The following PIGN variants were observed in gnomAD, a reference collection of about 807,000 sequenced individuals.
The protein encoded by PIGN is GPI ethanolamine phosphate transferase 1.
PIGN carries 117 observed loss-of-function variants against 125.4 expected under a neutral mutation model. The observed-to-expected ratio is 0.93, with a 90% CI of 0.80 to 1.09. PIGN has a LOEUF of 1.09. Ranked by LOEUF, PIGN falls within the 50% of genes least tolerant of loss-of-function variation. PIGN has a pLI of 0.00. For synonymous variants in PIGN, 392 were observed against 377.8 expected (o/e 1.04, Z -0.44); for missense variants, 1,075 against 1,094.9 (o/e 0.98, Z 0.26).
chr18:62,101,177 T>C lies in PIGN; in HGVS notation c.1975A>G (p.Ser659Gly). ...ELLVHLLQVL[S>G]TVLSMYVVYS... ...ACAACATACATGGAGAGCACTGTGC[T>C]CAGCACCTAAAGACAAAGATGAAAT... is the stretch of plus-strand genomic sequence containing the variant. Residue 659 changes from serine to glycine, a missense_variant, in exon 22 of 31, where the codon AGC becomes GGC. Around this residue, in one of 3 missense-constraint regions of PIGN, gnomAD observed 915 missense variants for 908.7 expected, o/e 1.01. Transcript: ENST00000640252. 2 of 1,582,876 alleles carry C rather than the reference T, an allele frequency of 1.3e-6. No individual in the cohort carries two copies. The highest frequency in any genetic ancestry group is 1.7e-6 in the Non-Finnish European group (2 of 1,154,310).
chr18:62,164,326 T>C (rs2037056620), intron 1 of PIGN, among the ~76,000 whole-genome samples: 1 of 152,238 alleles, frequency 6.6e-6, no homozygotes, highest in Admixed American at 6.5e-5. Context: ...AATGTATTAG[T>C]CCATTTTCAC....
chr18:62,124,901 A>G (rs79602539), intron 14 of PIGN, among the ~76,000 whole-genome samples: 10,166 of 152,182 alleles, frequency 0.067, 637 homozygotes, highest in African/African-American at 0.16. Flanking sequence ...TCTCTTTTAA[A>G]AATATTTTTC....
At chr18:62,099,575 C>T (rs2146292140) in intron 22 of PIGN, among the ~76,000 whole-genome samples, 1 of 152,118 alleles carries the variant, frequency 6.6e-6, no homozygotes, top group South Asian at 2.1e-4. Flanking sequence ...AACTACAAAG[C>T]TATAGTAACC....
intron 14 of PIGN, among the ~76,000 whole-genome samples, chr18:62,130,674 C>A (rs1409393151): frequency 6.6e-6 from 1 of 152,056 alleles, no homozygotes; most frequent in African/African-American, 2.4e-5. Flanking sequence ...AGAATTTTAT[C>A]AATTATTCAG....
intron 23 of PIGN, among the ~76,000 whole-genome samples, chr18:62,028,770 C>G (rs1343092220): frequency 6.6e-6 from 1 of 152,178 alleles, no homozygotes; most frequent in Non-Finnish European, 1.5e-5. Flanking sequence ...GAATATGGAG[C>G]TAACAAGGAT....
intron 30 of PIGN, 109 bp downstream of exon 30, chr18:62,072,564 T>C: frequency 2.4e-6 from 2 of 829,434 alleles, no homozygotes; most frequent in Admixed American, 2.4e-5. Flanking sequence ...ACCATCTAGG[T>C]TTGTGTGAAT....
intron 28 of PIGN, among the ~76,000 whole-genome samples, chr18:62,076,483 GCAAAAACTT>G (rs1436199601): frequency 3.3e-5 from 5 of 152,092 alleles, no homozygotes; most frequent in Non-Finnish European, 5.9e-5. Context: ...CTTTCACAGA[GCAAAAACTT>G]TTAATTCTGA....
intron 6 of PIGN, among the ~76,000 whole-genome samples, chr18:62,156,244 A>G (rs1364834584): frequency 6.6e-6 from 1 of 152,246 alleles, no homozygotes; most frequent in African/African-American, 2.4e-5. Flanking sequence ...TAAATAAATT[A>G]TATGTTAAAT....
chr18:62,064,021 T>C (rs1191937905), intron 30 of PIGN, among the ~76,000 whole-genome samples: 1 of 152,052 alleles, frequency 6.6e-6, no homozygotes, highest in African/African-American at 2.4e-5. Flanking sequence ...GGCACATGTA[T>C]ACATATGTAA....
intron 4 of PIGN, among the ~76,000 whole-genome samples, chr18:62,158,722 A>G (rs1055017591): frequency 2.6e-5 from 4 of 152,242 alleles, no homozygotes; most frequent in African/African-American, 9.6e-5. Context: ...CAGTTCTTTT[A>G]CTATTGACTT....
intron 1 of PIGN, among the ~76,000 whole-genome samples, chr18:62,168,983 G>A (rs1031684228): frequency 6.6e-6 from 1 of 151,554 alleles, no homozygotes; most frequent in Non-Finnish European, 1.5e-5. Context: ...AGCCACCTGA[G>A]TAGCTGGGAC....
chr18:62,045,745 C>A lies in PIGN; in HGVS notation c.*111G>T. 1 of 983,642 alleles carries A rather than the reference C, an allele frequency of 1.0e-6. No individual in the cohort carries two copies. Among genetic ancestry groups the A allele is most frequent in the Non-Finnish European group, 1.5e-6 (1 of 686,292 alleles). The allele number at this position is 983,642 out of a possible 1,614,324, so 60.9% of individuals were successfully genotyped here. ...GGAATTCCAAATACCATTTTCCTTA[C>A]AGGAGTAGAATATACTATATATCCA... On this transcript the variant is annotated 3_prime_UTR_variant, in exon 31 of 31. Coordinates refer to ENST00000640252, the MANE Select transcript of PIGN (RefSeq NM_176787.5).
intron 14 of PIGN, among the ~76,000 whole-genome samples, chr18:62,131,623 T>A (rs1003880335): frequency 3.3e-5 from 5 of 152,138 alleles, no homozygotes; most frequent in African/African-American, 1.2e-4. Context: ...TTTATTCTTT[T>A]TAGAGGTCTT....
At chr18:62,059,285 T>C (rs1392435584) in intron 30 of PIGN, 1 of 149,606 alleles carries the variant, frequency 6.7e-6, no homozygotes, top group Non-Finnish European at 1.5e-5. Flanking sequence ...CTCTTCAGCA[T>C]AGAGCCTGGA....
chr18:62,045,841 G>A lies in PIGN; in HGVS notation c.*15C>T. On this transcript the variant is annotated 3_prime_UTR_variant, in exon 31 of 31. Transcript: ENST00000640252. ...GAGAATCAGGATCCAGATGCTGAATGGTGCTTCAGCAACCTCACATGAAGT... is the reference window on the plus strand; with the variant it reads ...GAGAATCAGGATCCAGATGCTGAATAGTGCTTCAGCAACCTCACATGAAGT... 1 of 1,612,594 alleles carries A rather than the reference G, an allele frequency of 6.2e-7. No homozygotes were observed. Among genetic ancestry groups the A allele is most frequent in the Non-Finnish European group, 8.5e-7 (1 of 1,178,992 alleles).
chr18:62,143,949 G>A (rs550568768), intron 10 of PIGN, among the ~76,000 whole-genome samples: 22 of 152,192 alleles, frequency 1.4e-4, no homozygotes, highest in Middle Eastern at 3.4e-3. Flanking sequence ...ATGAGAGACC[G>A]TCTTGATTTA....
At chr18:62,140,107 T>C (rs1457268504) in intron 12 of PIGN, among the ~76,000 whole-genome samples, 10 of 152,178 alleles carry the variant, frequency 6.6e-5, no homozygotes, top group South Asian at 6.2e-4. Context: ...TTCCATGTTA[T>C]AGAATATAAT....
intron 30 of PIGN, among the ~76,000 whole-genome samples, chr18:62,046,584 C>A (rs2030726816): frequency 6.6e-6 from 1 of 151,170 alleles, no homozygotes; most frequent in South Asian, 2.1e-4. Flanking sequence ...TACACAGCGG[C>A]GTGTGGAAAA....
In PIGN at chr18:62,157,810, TA is replaced by T; in HGVS notation, c.222-3del. The T allele has an allele frequency of 6.2e-7, 1 of 1,605,926 alleles. No homozygotes were observed. Among genetic ancestry groups the T allele is most frequent in the Non-Finnish European group, 8.5e-7 (1 of 1,174,920 alleles). The stretch of plus-strand genomic sequence containing the variant: ...CTGCCTTCATGCATTATGATATTCC[TA>T]AAAGATATTAAAGACAAATAGTTAA... On this transcript the variant is annotated splice_polypyrimidine_tract_variant and splice_region_variant and intron_variant, in intron 4 of 30. Coordinates refer to ENST00000640252, the MANE Select transcript of PIGN (RefSeq NM_176787.5).
Sources: allele counts gnomAD v4.1 joint callset (sites outside exome capture counted in the v4.1 genomes callset), GRCh38; gene constraint gnomAD v4.1.1; regional missense constraint gnomAD v4.1.1; transcripts MANE v1.5; gene names NCBI Gene and HGNC (gene_info 2026-07-23, HGNC 2026-07-21).